The following TMPRSS15 variants were observed in gnomAD, a reference collection of about 807,000 sequenced individuals.
The protein encoded by TMPRSS15 is transmembrane serine protease 15, also known as enteropeptidase.
A neutral mutation model predicts 125.3 loss-of-function variants in TMPRSS15; 128 were observed. That is an observed-to-expected ratio of 1.02 (90% CI 0.89 to 1.18). The LOEUF is 1.18. TMPRSS15 is among the 50% of genes most tolerant of loss of function. The probability of loss-of-function intolerance (pLI) is 0.00; values close to 1 mark genes in which losing one functional copy is unlikely to be tolerated. For synonymous variants in TMPRSS15, 446 were observed against 423.2 expected (o/e 1.05, Z -0.66); for missense variants, 1,283 against 1,212.7 (o/e 1.06, Z -0.86).
rs769392758 is a variant in TMPRSS15 at position 18,278,924 on chromosome 21, G to GTTTGTTTT, written c.2764+39_2764+40insAAAACAAA. ...TGACAGTCTGTTTTTCACCAGTAAG[G>GTTTGTTTT]TTTTTTTTTTTTTTTTTTTTTTTGA... On this transcript the variant is annotated intron_variant, in intron 23 of 24. Coordinates refer to ENST00000284885, the MANE Select transcript of TMPRSS15 (RefSeq NM_002772.3). The GTTTGTTTT allele has an allele frequency of 2.4e-4, 106 of 440,168 alleles. 2 individuals carry two copies. In the African/African-American group the frequency reaches 2.8e-3, roughly 12 times the overall value. 27.3% of individuals were successfully genotyped at this position (440,168 alleles called of 1,614,324 possible). A position where few individuals can be genotyped will look rare whatever the true frequency, so the allele number is the denominator to read the frequency against.
intron 18 of TMPRSS15, among the ~76,000 whole-genome samples, chr21:18,309,043 C>A (rs1482450057): frequency 2.0e-5 from 3 of 152,082 alleles, no homozygotes; most frequent in Non-Finnish European, 4.4e-5. Context: ...AACAGTGCTG[C>A]AATAAACATA....
At chr21:18,284,742 T>G (rs984544612) in intron 21 of TMPRSS15, among the ~76,000 whole-genome samples, 1 of 152,156 alleles carries the variant, frequency 6.6e-6, no homozygotes, top group African/African-American at 2.4e-5. Flanking sequence ...CAGATAGAAG[T>G]TGGCTGAATT....
intron 1 of TMPRSS15, among the ~76,000 whole-genome samples, chr21:18,423,883 A>T (rs907069001): frequency 2.0e-5 from 3 of 152,160 alleles, no homozygotes; most frequent in African/African-American, 7.2e-5. Flanking sequence ...TGGCAGGGAG[A>T]TTATAATCAT....
intron 10 of TMPRSS15, among the ~76,000 whole-genome samples, chr21:18,352,593 C>T (rs933822493): frequency 2.0e-5 from 3 of 151,984 alleles, no homozygotes; most frequent in African/African-American, 4.8e-5. Context: ...CTAATTGCCT[C>T]ACTCAAATCT....
chr21:18,467,107 C>T (rs1184569797), intron 1 of TMPRSS15, among the ~76,000 whole-genome samples: 3 of 152,186 alleles, frequency 2.0e-5, no homozygotes, highest in African/African-American at 7.2e-5. Context: ...ATGTCCTTTG[C>T]AGGGACATGG....
At chr21:18,387,584 C>T (rs2075954761) in intron 3 of TMPRSS15, among the ~76,000 whole-genome samples, 1 of 150,554 alleles carries the variant, frequency 6.6e-6, no homozygotes, top group Non-Finnish European at 1.5e-5. Context: ...TTGGCTTACC[C>T]TGAAGAGTAG....
chr21:18,402,981 A>G (rs928816226), intron 1 of TMPRSS15, among the ~76,000 whole-genome samples: 4 of 152,204 alleles, frequency 2.6e-5, no homozygotes, highest in African/African-American at 9.7e-5. Context: ...GTCTACATTT[A>G]TATCCAAGTT....
intron 23 of TMPRSS15, among the ~76,000 whole-genome samples, chr21:18,278,394 T>C (rs1018897681): frequency 1.3e-5 from 2 of 152,114 alleles, no homozygotes; most frequent in Admixed American, 1.3e-4. Flanking sequence ...TATAATATCT[T>C]CTATGCAATC....
intron 18 of TMPRSS15, among the ~76,000 whole-genome samples, chr21:18,305,024 A>G (rs1206654499): frequency 6.6e-6 from 1 of 152,086 alleles, no homozygotes; most frequent in African/African-American, 2.4e-5. Context: ...TATGACACAT[A>G]AACAAAGGTT....
At chr21:18,459,981 T>C (rs979718782) in intron 1 of TMPRSS15, among the ~76,000 whole-genome samples, 13 of 152,192 alleles carry the variant, frequency 8.5e-5, no homozygotes, top group Non-Finnish European at 1.5e-5. Context: ...ATTAATAGCT[T>C]ATAATAATAC....
intron 1 of TMPRSS15, among the ~76,000 whole-genome samples, chr21:18,451,336 CTAAA>C (rs1352439006): frequency 6.6e-6 from 1 of 150,680 alleles, no homozygotes; most frequent in African/African-American, 2.5e-5. Flanking sequence ...AGCTACTGAA[CTAAA>C]TGTCTGTTTT....
intron 18 of TMPRSS15, among the ~76,000 whole-genome samples, chr21:18,311,389 G>C (rs1246970068): frequency 1.3e-5 from 2 of 151,932 alleles, no homozygotes; most frequent in East Asian, 3.9e-4. Context: ...AAATCGACAA[G>C]AAATAAAAAC....
In TMPRSS15 at chr21:18,359,810, T is replaced by C. The variant is rs751738422; in HGVS notation, c.827A>G (p.Tyr276Cys). The C allele has an allele frequency of 2.0e-6, 3 of 1,529,194 alleles. No individual in the cohort carries two copies. In the South Asian group the frequency reaches 3.4e-5, roughly 17 times the overall value. The allele number at this position is 1,529,194 out of a possible 1,614,324, so 94.7% of individuals were successfully genotyped here. ...KLSFDDFNTY[Y>C]TDILDIYEGV... ...TTCATAAATATCTAATATATCTGTA[T>C]AATATGTATTAAAATCATCGAAGCT... The change falls in exon 8 of 25, where the codon TAT becomes TGT. Residue 276 changes from tyrosine to cysteine, a missense_variant. By Grantham distance (194) the Tyr-to-Cys change is radical. Coordinates refer to ENST00000284885, the MANE Select transcript of TMPRSS15 (RefSeq NM_002772.3).
intron 1 of TMPRSS15, among the ~76,000 whole-genome samples, chr21:18,449,278 C>T (rs948755371): frequency 2.6e-5 from 4 of 151,998 alleles, no homozygotes; most frequent in African/African-American, 9.7e-5. Context: ...CATATTCAAT[C>T]GTATCTAATG....
rs1461927983 is a variant in TMPRSS15 at position 18,396,808 on chromosome 21, G to GTCTGTCTGTCTATCTA, written c.344+1070_344+1071insTAGATAGACAGACAGA. Among the ~76,000 whole-genome samples the GTCTGTCTGTCTATCTA allele has an allele frequency of 5.7e-3, 615 of 107,852 alleles. 7 individuals carry two copies. Among genetic ancestry groups the GTCTGTCTGTCTATCTA allele is most frequent in the Middle Eastern group, 9.9e-3 (2 of 202 alleles). The allele number at this position is 107,852 out of a possible 152,430, so 70.8% of individuals were successfully genotyped here. A position where few individuals can be genotyped will look rare whatever the true frequency, so the allele number is the denominator to read the frequency against. On this transcript the variant is annotated intron_variant, in intron 3 of 24. Coordinates refer to ENST00000284885, the MANE Select transcript of TMPRSS15 (RefSeq NM_002772.3). Reference sequence around the variant, plus strand: ...AAAAAAAAAATCTGTCTGTCTGTCTGTCTATCTATCTATCTATCTATCTAT... The same window carrying GTCTGTCTGTCTATCTA: ...AAAAAAAAAATCTGTCTGTCTGTCTGTCTGTCTGTCTATCTATCTATCTATCTATCTATCTATCTAT...
chr21:18,340,723 TTACTCCTTAA>T (rs2075437441), intron 13 of TMPRSS15, among the ~76,000 whole-genome samples: 3 of 147,430 alleles, frequency 2.0e-5, no homozygotes, highest in Non-Finnish European at 4.5e-5. Flanking sequence ...ACTCTTAAAA[TTACTCCTTAA>T]GAAGCCCACA....
intron 18 of TMPRSS15, among the ~76,000 whole-genome samples, chr21:18,300,944 A>G (rs1337546471): frequency 6.6e-6 from 1 of 152,160 alleles, no homozygotes; most frequent in African/African-American, 2.4e-5. Flanking sequence ...AGCAGAGAAA[A>G]TTGGAGATAC....
At chr21:18,454,482 T>A (rs940327437) in intron 1 of TMPRSS15, among the ~76,000 whole-genome samples, 1 of 152,020 alleles carries the variant, frequency 6.6e-6, no homozygotes, top group Non-Finnish European at 1.5e-5. Flanking sequence ...GGCTGAGAAG[T>A]CCCGTGATAT....
chr21:18,315,349 G>A (rs1384881706), intron 16 of TMPRSS15, 93 bp from the exon 17 acceptor site: 2 of 1,053,816 alleles, frequency 1.9e-6, no homozygotes, highest in East Asian at 5.1e-5. Flanking sequence ...TTAAACATGA[G>A]TCCTTTGCCA....
Sources: gnomAD v4.1 joint callset for allele counts (sites outside exome capture counted in the v4.1 genomes callset) on GRCh38, gnomAD v4.1.1 for gene constraint, MANE v1.5 for transcripts, NCBI Gene and HGNC (gene_info 2026-07-23, HGNC 2026-07-21) for gene names.